Variants in TRPM3 observed in about 807,000 individuals in gnomAD.
The protein encoded by TRPM3 is long transient receptor potential channel 3.
In TRPM3, 77 loss-of-function variants were observed where a neutral mutation model predicts 181.2. That is an observed-to-expected ratio of 0.42 (90% confidence interval 0.35 to 0.51). The LOEUF is 0.51. TRPM3 is among the 20% of genes least tolerant of loss of function. The pLI, the probability that TRPM3 is intolerant of heterozygous loss-of-function variation, is 0.01. For missense variants in TRPM3, 1,759 were observed against 2,196.7 expected (o/e 0.80, Z 3.98); for synonymous variants, 745 against 796.4 (o/e 0.94, Z 1.09).
At chr9:71,287,554 A>G (rs1504388) in intron 1 of TRPM3, among the ~76,000 whole-genome samples, 33,862 of 151,638 alleles carry the variant, frequency 0.22, 4,208 homozygotes, top group African/African-American at 0.31. Context: ...AGGGTACAGA[A>G]GAAGGCCTTC....
intron 3 of TRPM3, among the ~76,000 whole-genome samples, chr9:70,848,749 G>A (rs1166888785): frequency 3.4e-5 from 1 of 28,992 alleles, no homozygotes; most frequent in Non-Finnish European, 8.1e-5. Context: ...AGGCCGAGGC[G>A]GGCGGATCAC....
At chr9:70,824,840 T>C (rs1280252963) in intron 6 of TRPM3, 1 of 152,268 alleles carries the variant, frequency 6.6e-6, no homozygotes, top group Non-Finnish European at 1.5e-5. Flanking sequence ...TTCTGCCGTT[T>C]TTCATGTTAA....
chr9:70,819,415 A>G (rs2092976423), intron 6 of TRPM3, among the ~76,000 whole-genome samples: 1 of 152,240 alleles, frequency 6.6e-6, no homozygotes, highest in Non-Finnish European at 1.5e-5. Context: ...TATTTTATGA[A>G]TCCAGCAATC....
At chr9:71,233,202 C>T (rs1422930810) in intron 1 of TRPM3, among the ~76,000 whole-genome samples, 1 of 152,154 alleles carries the variant, frequency 6.6e-6, no homozygotes, top group East Asian at 1.9e-4. Flanking sequence ...ATGTCCTTTT[C>T]AAATCAAATG....
At chr9:71,307,315 T>A in intron 1 of TRPM3, among the ~76,000 whole-genome samples, 1 of 45,394 alleles carries the variant, frequency 2.2e-5, no homozygotes, top group South Asian at 7.9e-4. Flanking sequence ...ATTTCCCTGT[T>A]TATTTACCAA....
At chr9:70,783,249 A>G (rs2082856215) in intron 7 of TRPM3, among the ~76,000 whole-genome samples, 1 of 152,208 alleles carries the variant, frequency 6.6e-6, no homozygotes, top group Non-Finnish European at 1.5e-5. Flanking sequence ...ATAAAAGACC[A>G]TCATCTCATT....
At position 71,432,032 on chromosome 9, in the gene TRPM3, C is replaced by T. The variant is rs530983011; in HGVS notation, c.183+14621G>A. 1.2e-4 allele frequency among the ~76,000 whole-genome samples: 18 copies of T among 152,186 alleles called. No individual in the cohort carries two copies. The East Asian group carries it at 3.5e-3, about 29-fold the overall frequency. On this transcript the variant is annotated intron_variant, in intron 1 of 24. Transcript: ENST00000357533. ...GAAGGAGATCCTAAACCAAAGGACC[C>T]GATTATACTCTATGTACATATAAGG...
At chr9:70,558,473 G>T (rs781307103) in intron 22 of TRPM3, among the ~76,000 whole-genome samples, 1 of 152,210 alleles carries the variant, frequency 6.6e-6, no homozygotes, top group African/African-American at 2.4e-5. Context: ...AATGCGGGAT[G>T]TAAAACCTGA....
intron 1 of TRPM3, among the ~76,000 whole-genome samples, chr9:70,940,485 G>C (rs1271729669): frequency 6.6e-6 from 1 of 152,152 alleles, no homozygotes; most frequent in Non-Finnish European, 1.5e-5. Context: ...AAATATTCCT[G>C]GAGCATCTAT....
intron 1 of TRPM3, among the ~76,000 whole-genome samples, chr9:71,127,695 A>G (rs1217403913): frequency 6.6e-6 from 1 of 152,242 alleles, no homozygotes; most frequent in Admixed American, 6.5e-5. Context: ...TGTTGTTAGT[A>G]ATAGTGTTGT....
intron 1 of TRPM3, among the ~76,000 whole-genome samples, chr9:71,195,435 G>C (rs931993819): frequency 6.6e-4 from 100 of 151,942 alleles, no homozygotes; most frequent in African/African-American, 2.3e-3. Flanking sequence ...AGTCAGAATG[G>C]CTATTATTAA....
intron 1 of TRPM3, among the ~76,000 whole-genome samples, chr9:71,108,057 G>A (rs962796972): frequency 1.3e-4 from 20 of 152,092 alleles, no homozygotes; most frequent in African/African-American, 4.6e-4. Context: ...GCCATCTTAG[G>A]GTGGAACTCT....
chr9:71,320,542 C>G (rs1208205270), intron 1 of TRPM3, among the ~76,000 whole-genome samples: 1 of 152,118 alleles, frequency 6.6e-6, no homozygotes, highest in Non-Finnish European at 1.5e-5. Flanking sequence ...TGCTCCTGAC[C>G]AGTAAAATCC....
chr9:71,051,834 T>C (rs924341490), intron 1 of TRPM3, among the ~76,000 whole-genome samples: 5 of 152,038 alleles, frequency 3.3e-5, no homozygotes, highest in African/African-American at 1.2e-4. Context: ...CATCTTCTGA[T>C]CAAATATATA....
chr9:70,926,638 T>C (rs536705732), intron 1 of TRPM3, among the ~76,000 whole-genome samples: 2 of 152,238 alleles, frequency 1.3e-5, no homozygotes, highest in East Asian at 1.9e-4. Flanking sequence ...CTATCGATTA[T>C]AGAAGTTAAC....
intron 1 of TRPM3, among the ~76,000 whole-genome samples, chr9:71,339,909 G>C (rs895719377): frequency 2.0e-5 from 3 of 152,146 alleles, no homozygotes; most frequent in Non-Finnish European, 4.4e-5. Flanking sequence ...TGTAGGTAAA[G>C]ATGGAATTCA....
rs563198539 is a variant in TRPM3 at position 71,050,299 on chromosome 9, G to A, written c.177+70879C>T. 8.5e-5 allele frequency among the ~76,000 whole-genome samples: 13 copies of A among 152,234 alleles called. No individual in the cohort carries two copies. The East Asian group carries it at 1.4e-3, about 16-fold the overall frequency. On this transcript the variant is annotated intron_variant, in intron 1 of 25. Coordinates refer to ENST00000677713, the MANE Select transcript of TRPM3 (RefSeq NM_001366145.2). ...AAAATGTACCAATTATTTATTGAGA[G>A]ATTCATGTAGATCTCCGATACACCT...
intron 1 of TRPM3, among the ~76,000 whole-genome samples, chr9:71,198,839 C>G (rs1306114711): frequency 2.2e-5 from 3 of 135,236 alleles, no homozygotes; most frequent in Non-Finnish European, 3.3e-5. Flanking sequence ...TTGACTTCCT[C>G]TTTTCCTAAC....
intron 5 of TRPM3, among the ~76,000 whole-genome samples, chr9:70,836,319 T>A (rs1359630130): frequency 6.6e-6 from 1 of 152,030 alleles, no homozygotes; most frequent in Non-Finnish European, 1.5e-5. Context: ...TCTCCCCCCA[T>A]CTTAAAGGAA....
Sources: allele counts gnomAD v4.1 joint callset (sites outside exome capture counted in the v4.1 genomes callset), GRCh38; gene constraint gnomAD v4.1.1; transcripts MANE v1.5; gene names NCBI Gene and HGNC (gene_info 2026-07-23, HGNC 2026-07-21).